The following SLC26A3 variants were observed in gnomAD, a reference collection of about 807,000 sequenced individuals.
SLC26A3 encodes the protein solute carrier family 26 member 3.
In SLC26A3, 64 loss-of-function variants were observed where a neutral mutation model predicts 85.6. The observed-to-expected ratio is 0.75, with a 90% CI of 0.61 to 0.92. SLC26A3 has a LOEUF of 0.92. Among genes scored for constraint, SLC26A3 ranks in the 40% least tolerant of loss-of-function variants. SLC26A3 has a pLI of 0.00. For missense variants in SLC26A3, 922 were observed against 927.3 expected (o/e 0.99, Z 0.07); for synonymous variants, 349 against 336.0 (o/e 1.04, Z -0.42).
At chr7:107,771,484 G>T (rs777675733) in intron 18 of SLC26A3, among the ~76,000 whole-genome samples, 5 of 152,204 alleles carry the variant, frequency 3.3e-5, no homozygotes, top group Non-Finnish European at 7.3e-5. Flanking sequence ...CTGAAAGTGG[G>T]AGAAGAACCA....
At position 107,772,073 on chromosome 7, in the gene SLC26A3, C is replaced by G. The variant is rs143786154; in HGVS notation, c.2043G>C (p.Val681=). ...LQEFIRIKVD[V]YIVGTDDDFI... is the part of the protein sequence containing the mutation. ...ACTTACCATCAGTTCCAACGATATA[C>G]ACATCTACCTTGATCCTGATAAATT... The change falls in exon 18 of 21, where the codon GTG becomes GTC. Residue 681 remains valine (V), a synonymous_variant. Coordinates refer to ENST00000340010, the MANE Select transcript of SLC26A3 (RefSeq NM_000111.3). The G allele has an allele frequency of 1.5e-5, 24 of 1,612,502 alleles. No homozygotes were observed. In the African/African-American group the frequency reaches 2.7e-4, roughly 18 times the overall value.
chr7:107,799,939 T>C (rs1363657755), intron 1 of SLC26A3, among the ~76,000 whole-genome samples: 1 of 152,248 alleles, frequency 6.6e-6, no homozygotes, highest in African/African-American at 2.4e-5. Context: ...AGCTTATCTT[T>C]AGAAGTAGCA....
chr7:107,776,338 C>A (rs1238890377), intron 15 of SLC26A3, 114 bp downstream of exon 15: 3 of 873,312 alleles, frequency 3.4e-6, no homozygotes, highest in African/African-American at 3.3e-5. Context: ...CTGACACAAC[C>A]CCACCTCAAC....
rs760793215 is a variant in SLC26A3, at chr7:107,767,576, T to C, written c.2271+3A>G. 1.2e-6 allele frequency: 2 copies of C among 1,602,604 alleles called. No individual in the cohort carries two copies. Among genetic ancestry groups the C allele is most frequent in the Admixed American group, 3.3e-5 (2 of 59,896 alleles). On this transcript the variant is annotated splice_donor_region_variant and intron_variant, in intron 20 of 20. Transcript: ENST00000340010. ...TGAAGATAAACCTGTTGAAGAATCT[T>C]ACCTCATATACCCGATTACGTAATC... is the stretch of plus-strand genomic sequence containing the variant.
intron 13 of SLC26A3, among the ~76,000 whole-genome samples, chr7:107,777,217 C>G (rs184552596): frequency 1.2e-4 from 19 of 152,224 alleles, no homozygotes; most frequent in Non-Finnish European, 2.6e-4. Context: ...CCTTAGTTCC[C>G]CAGGAAGCAT....
intron 2 of SLC26A3, 115 bp downstream of exon 2, chr7:107,794,264 A>G (rs545472538): frequency 1.6e-6 from 2 of 1,217,070 alleles, no homozygotes; most frequent in African/African-American, 3.0e-5. Flanking sequence ...ACTAAAGAGG[A>G]AAGGACTGTA....
chr7:107,800,435 A>C (rs1794580095), intron 1 of SLC26A3, among the ~76,000 whole-genome samples: 1 of 152,258 alleles, frequency 6.6e-6, no homozygotes, highest in Non-Finnish European at 1.5e-5. Context: ...CTCAGTTCCT[A>C]ACACAGTTGT....
At chr7:107,796,933 A>C (rs1794512629) in intron 1 of SLC26A3, among the ~76,000 whole-genome samples, 1 of 151,898 alleles carries the variant, frequency 6.6e-6, no homozygotes, top group African/African-American at 2.4e-5. Context: ...CCCAAAAAAG[A>C]TCTTGAAGGT....
chr7:107,782,333 T>C (rs1434124368), intron 11 of SLC26A3, among the ~76,000 whole-genome samples: 1 of 152,180 alleles, frequency 6.6e-6, no homozygotes, highest in African/African-American at 2.4e-5. Flanking sequence ...GGCTGTTCAC[T>C]CCCATCCCAC....
intron 15 of SLC26A3, chr7:107,776,088 G>A: frequency 3.0e-6 from 1 of 330,636 alleles, no homozygotes; most frequent in Non-Finnish European, 5.8e-6. Flanking sequence ...CTTTGAGGAT[G>A]TGGTCAAATA....
chr7:107,795,033 G>A (rs1379493864), intron 1 of SLC26A3, among the ~76,000 whole-genome samples: 3 of 151,902 alleles, frequency 2.0e-5, no homozygotes. Context: ...TTTTTACCTT[G>A]TAAAATTAAA....
intron 1 of SLC26A3, among the ~76,000 whole-genome samples, chr7:107,801,925 C>CAAAAA (rs11356401): frequency 3.3e-5 from 3 of 91,260 alleles, no homozygotes; most frequent in Admixed American, 1.3e-4. Flanking sequence ...ACTGAAAATA[C>CAAAAA]AAAAAAAAAA....
At chr7:107,795,459 AC>A (rs1437426173) in intron 1 of SLC26A3, among the ~76,000 whole-genome samples, 2 of 152,338 alleles carry the variant, frequency 1.3e-5, no homozygotes, top group East Asian at 3.9e-4. Flanking sequence ...GTTTAAATGC[AC>A]ATTACCAAGT....
In SLC26A3 at chr7:107,779,611, A is replaced by C. The variant is rs538406993; in HGVS notation, c.1407+57T>G. Reference sequence around the variant, plus strand: ...ACAATATAAACATGCATTTCACATTAGCATTAAAATGCTATTGTGATTTAT... The same window carrying C: ...ACAATATAAACATGCATTTCACATTCGCATTAAAATGCTATTGTGATTTAT... On this transcript the variant is annotated intron_variant, in intron 12 of 20. Coordinates refer to ENST00000340010, the MANE Select transcript of SLC26A3 (RefSeq NM_000111.3). 8.0e-5 allele frequency: 104 copies of C among 1,305,690 alleles called. 5 individuals are homozygous for C. In the South Asian group the frequency reaches 1.2e-3, roughly 16 times the overall value. 80.9% of individuals were successfully genotyped at this position (1,305,690 alleles called of 1,614,324 possible).
At chr7:107,801,917 T>C (rs1437365279) in intron 1 of SLC26A3, among the ~76,000 whole-genome samples, 1 of 110,898 alleles carries the variant, frequency 9.0e-6, no homozygotes, top group Non-Finnish European at 1.7e-5. Flanking sequence ...CCGTCTCTAC[T>C]GAAAATACAA....
chr7:107,789,738 A>T (rs1794361567), intron 5 of SLC26A3, 50 bp from the exon 6 acceptor site: 1 of 1,556,658 alleles, frequency 6.4e-7, no homozygotes, highest in African/African-American at 1.4e-5. Flanking sequence ...AGTATACCTC[A>T]GCAAACTCAA....
At chr7:107,799,370 A>T (rs1313706113) in intron 1 of SLC26A3, among the ~76,000 whole-genome samples, 1 of 151,998 alleles carries the variant, frequency 6.6e-6, no homozygotes. Context: ...GATTCAAGCC[A>T]TCAATTTTCT....
intron 17 of SLC26A3, among the ~76,000 whole-genome samples, chr7:107,773,019 A>G (rs1208226209): frequency 6.6e-6 from 1 of 152,192 alleles, no homozygotes; most frequent in Non-Finnish European, 1.5e-5. Context: ...AAGATGTAGA[A>G]TTTCTTAAAT....
intron 17 of SLC26A3, among the ~76,000 whole-genome samples, 182 bp downstream of exon 17, chr7:107,773,738 A>T (rs2115811040): frequency 6.6e-6 from 1 of 152,136 alleles, no homozygotes; most frequent in East Asian, 1.9e-4. Flanking sequence ...TTTAGTAGAG[A>T]CGGGGCTTCG....
Sources: allele counts gnomAD v4.1 joint callset (sites outside exome capture counted in the v4.1 genomes callset), GRCh38; gene constraint gnomAD v4.1.1; transcripts MANE v1.5; gene names NCBI Gene and HGNC (gene_info 2026-07-23, HGNC 2026-07-21).